BMP1: variants seen among roughly 807,000 people sequenced by gnomAD.
BMP1 encodes the protein mammalian tolloid protein.
In BMP1, 63 loss-of-function variants were observed where a neutral mutation model predicts 116.8. The observed-to-expected ratio is 0.54, with a 90% confidence interval of 0.44 to 0.67. BMP1 has a LOEUF of 0.67. Among genes scored for constraint, BMP1 ranks in the 30% least tolerant of loss-of-function variants. BMP1 has a pLI of 0.00. For synonymous variants in BMP1, 536 were observed against 533.4 expected (o/e 1.00, Z -0.07); for missense variants, 1,183 against 1,358.9 (o/e 0.87, Z 2.04).
rs765002475 is a variant in BMP1 at position 22,176,223 on chromosome 8, A to G, written c.343A>G (p.Arg115Gly). 1 of 1,614,106 alleles carries G rather than the reference A, an allele frequency of 6.2e-7. No individual in the cohort carries two copies. The highest frequency in any genetic ancestry group is 8.5e-7 in the Non-Finnish European group (1 of 1,179,998). Residue 115 changes from arginine to glycine, a missense_variant, in exon 3 of 20, where the codon AGA becomes GGA. Arg to Gly is a moderately radical substitution (Grantham distance 125, BLOSUM62 -2). Coordinates refer to ENST00000306385, the MANE Select transcript of BMP1 (RefSeq NM_006129.5). ...QRGACGRWRGRSRSRRAATSR... is the reference protein window; with the variant it reads ...QRGACGRWRGGSRSRRAATSR... ...GGGAGCCTGTGGGAGATGGAGAGGT[A>G]GATCCCGTAGCCGGCGGGCGGCGAC...
chr8:22,191,139 G>C (rs933705253), intron 8 of BMP1, among the ~76,000 whole-genome samples: 1 of 152,226 alleles, frequency 6.6e-6, no homozygotes, highest in Non-Finnish European at 1.5e-5. Context: ...CTTGGAGCCT[G>C]AAATGAGGTG....
At chr8:22,197,162 C>T in intron 14 of BMP1, 78 bp from the exon 15 acceptor site, 3 of 1,540,454 alleles carry the variant, frequency 1.9e-6, no homozygotes, top group Non-Finnish European at 2.6e-6. Context: ...ATGTGCAGAA[C>T]AGAGAGCTTC....
At chr8:22,199,858 T>C (rs1036273044) in intron 15 of BMP1, among the ~76,000 whole-genome samples, 6 of 152,284 alleles carry the variant, frequency 3.9e-5, no homozygotes, top group East Asian at 3.9e-4. Flanking sequence ...TGGGAAGGAC[T>C]TGGGGACTCC....
At chr8:22,191,943 A>G (rs1335477402) in intron 8 of BMP1, 106 bp from the exon 9 acceptor site, 1 of 1,009,492 alleles carries the variant, frequency 9.9e-7, no homozygotes, top group South Asian at 1.5e-5. Flanking sequence ...ACTCTCGCCC[A>G]GGGGGACCTG....
chr8:22,173,139 A>G (rs561361835), intron 1 of BMP1, among the ~76,000 whole-genome samples: 4 of 152,298 alleles, frequency 2.6e-5, no homozygotes, highest in African/African-American at 9.6e-5. Flanking sequence ...GGACCACAGT[A>G]GTATGTTAAC....
intron 9 of BMP1, among the ~76,000 whole-genome samples, chr8:22,192,630 G>A (rs1442575398): frequency 1.3e-5 from 2 of 152,220 alleles, no homozygotes; most frequent in Non-Finnish European, 2.9e-5. Flanking sequence ...ACTGCCGAGG[G>A]CTGCACACTG....
At chr8:22,201,142 C>T (rs1400943181) in intron 15 of BMP1, 4 of 1,613,308 alleles carry the variant, frequency 2.5e-6, no homozygotes, top group Non-Finnish European at 3.4e-6. Context: ...CTGCAGCCCC[C>T]TCGGGGACGC....
chr8:22,199,387 G>T, intron 15 of BMP1: 1 of 1,280,816 alleles, frequency 7.8e-7, no homozygotes. Flanking sequence ...GGCACTGTAG[G>T]GTGAGTGCCA....
At chr8:22,177,715 T>C (rs753416219) in intron 5 of BMP1, 137 bp from the exon 6 acceptor site, 39 of 779,708 alleles carry the variant, frequency 5.0e-5, no homozygotes, top group South Asian at 6.9e-5. Flanking sequence ...TCCCCTTGGC[T>C]GCTCCCCGGA....
chr8:22,186,141 C>G (rs1828766230), intron 8 of BMP1, among the ~76,000 whole-genome samples: 1 of 152,174 alleles, frequency 6.6e-6, no homozygotes, highest in Non-Finnish European at 1.5e-5. Context: ...CGGCCCAACC[C>G]AAATTCTTAA....
chr8:22,204,957 G>A (rs1829326328), intron 16 of BMP1, among the ~76,000 whole-genome samples: 1 of 152,192 alleles, frequency 6.6e-6, no homozygotes, highest in African/African-American at 2.4e-5. Flanking sequence ...GAGTGAGAGC[G>A]TGAGGCTGGA....
intron 1 of BMP1, chr8:22,170,522 A>G (rs1054851343): frequency 1.3e-5 from 2 of 152,246 alleles, no homozygotes; most frequent in African/African-American, 4.8e-5. Context: ...CCTGGATTCC[A>G]AGACAGGTCT....
At chr8:22,202,249 A>T (rs1056476631) in intron 16 of BMP1, among the ~76,000 whole-genome samples, 1 of 152,220 alleles carries the variant, frequency 6.6e-6, no homozygotes, top group African/African-American at 2.4e-5. Flanking sequence ...GCGAGAAAGG[A>T]TAGTGGGTAA....
chr8:22,202,364 G>A (rs1182091097), intron 16 of BMP1, among the ~76,000 whole-genome samples: 1 of 152,144 alleles, frequency 6.6e-6, no homozygotes, highest in African/African-American at 2.4e-5. Flanking sequence ...GTTTGCTCCT[G>A]GGTAAAATGT....
intron 1 of BMP1, among the ~76,000 whole-genome samples, chr8:22,168,534 T>C (rs1170478735): frequency 6.6e-6 from 1 of 152,098 alleles, no homozygotes; most frequent in Non-Finnish European, 1.5e-5. Flanking sequence ...AGGCCCCTGC[T>C]ACCACCTCAA....
chr8:22,186,860 C>T (rs911135562), intron 8 of BMP1, among the ~76,000 whole-genome samples: 2 of 152,150 alleles, frequency 1.3e-5, no homozygotes, highest in African/African-American at 4.8e-5. Flanking sequence ...TTCTTAAAAC[C>T]GTCTCCTCCT....
chr8:22,169,142 G>T (rs1191476542), intron 1 of BMP1, among the ~76,000 whole-genome samples: 3 of 149,500 alleles, frequency 2.0e-5, no homozygotes, highest in Non-Finnish European at 4.4e-5. Context: ...AGCTATGATT[G>T]TGCCGCTGCA....
intron 8 of BMP1, among the ~76,000 whole-genome samples, chr8:22,184,015 T>C (rs974033744): frequency 4.6e-5 from 7 of 152,212 alleles, no homozygotes; most frequent in Admixed American, 2.0e-4. Context: ...TACACAAAAT[T>C]GGATTATGAC....
intron 5 of BMP1, 89 bp from the exon 6 acceptor site, chr8:22,177,763 C>G (rs747191988): frequency 6.0e-6 from 6 of 1,006,590 alleles, no homozygotes; most frequent in Non-Finnish European, 7.8e-6. Context: ...ACAGGAAGGA[C>G]TCCATTCCCT....
Sources: allele counts gnomAD v4.1 joint callset (sites outside exome capture counted in the v4.1 genomes callset), GRCh38; gene constraint gnomAD v4.1.1; transcripts MANE v1.5; gene names NCBI Gene and HGNC (gene_info 2026-07-23, HGNC 2026-07-21).